Variants in TOGARAM1 observed in about 807,000 individuals in gnomAD.
TOGARAM1 encodes the protein TOG array regulator of axonemal microtubules 1, also known as TOG array regulator of axonemal microtubules protein 1.
TOGARAM1 carries 100 observed loss-of-function variants against 166.6 expected under a neutral mutation model. The observed-to-expected ratio is 0.60, with a 90% CI of 0.51 to 0.71. The LOEUF (loss-of-function observed/expected upper bound fraction) is 0.71, where lower values mean the gene tolerates loss of function less well. Among genes scored for constraint, TOGARAM1 ranks in the 30% least tolerant of loss-of-function variants. TOGARAM1 has a pLI of 0.00. For missense variants in TOGARAM1, 2,029 were observed against 2,102.7 expected, an observed-to-expected ratio of 0.96 and a Z score of 0.69; for synonymous variants, 758 against 763.8, an observed-to-expected ratio of 0.99 and a Z score of 0.13.
intron 15 of TOGARAM1, among the ~76,000 whole-genome samples, chr14:45,052,870 T>C (rs1882442662): frequency 6.6e-6 from 1 of 152,166 alleles, no homozygotes; most frequent in African/African-American, 2.4e-5. Flanking sequence ...AACTTACACA[T>C]GCCTCTTCAT....
chr14:45,008,822 G>A, intron 5 of TOGARAM1, 91 bp from the exon 6 acceptor site: 1 of 903,814 alleles, frequency 1.1e-6, no homozygotes, highest in Non-Finnish European at 1.7e-6. Context: ...TGGTTAGCTA[G>A]GTATAGCTAA....
In TOGARAM1 at chr14:45,025,814, T is replaced by A. The variant is rs147911657; in HGVS notation, c.3270T>A (p.Ser1090Arg). 8 of 1,610,356 alleles carry A rather than the reference T, an allele frequency of 5.0e-6. No homozygotes were observed. In the African/African-American group the frequency reaches 8.0e-5, roughly 16 times the overall value. Residue 1090 changes from serine (S) to arginine (R), a missense_variant, in exon 8 of 20, where the codon AGT becomes AGA. Ser to Arg is a moderately radical substitution (Grantham distance 110). Coordinates refer to ENST00000361462, the MANE Select transcript of TOGARAM1 (RefSeq NM_001308120.2). ...CATCAAATCCACAGCAAATTTCCAG[T>A]TTTGACTTCACAACCACAAAGGCTT... ...GSSSNPQQIS[S>R]FDFTTTKALS...
chr14:44,966,172 T>TG (rs1885527110), intron 1 of TOGARAM1, among the ~76,000 whole-genome samples: 1 of 151,658 alleles, frequency 6.6e-6, no homozygotes, highest in African/African-American at 2.4e-5. Flanking sequence ...GCCCAAATTG[T>TG]AATTTTTAAA....
rs192596591 is a variant in TOGARAM1, at chr14:45,004,253, C to A, written c.2531C>A (p.Ser844Tyr). ...IISPKKSQDN[S>Y]VNFSNSWPLK... Reference sequence around the variant, plus strand: ...TCTCCAAAGAAGTCTCAAGATAATTCTGTTAATTTCTCAAATTCCTGGCCT... The same window carrying A: ...TCTCCAAAGAAGTCTCAAGATAATTATGTTAATTTCTCAAATTCCTGGCCT... Residue 844 changes from serine (S) to tyrosine (Y), a missense_variant, in exon 4 of 20, where the codon TCT (serine) becomes TAT (tyrosine). By Grantham distance (144) the Ser-to-Tyr change is moderately radical (BLOSUM62 -2). Transcript: ENST00000361462. 3.0e-5 allele frequency: 49 copies of A among 1,613,982 alleles called. No homozygotes were observed. In the African/African-American group the frequency reaches 4.7e-4, roughly 15 times the overall value.
At chr14:44,965,869 A>ATTTTTTT (rs747983176) in intron 1 of TOGARAM1, among the ~76,000 whole-genome samples, 11 of 120,480 alleles carry the variant, frequency 9.1e-5, no homozygotes, top group African/African-American at 3.3e-4. Context: ...ACAAATAGTA[A>ATTTTTTT]TTTTTTTTTT....
At chr14:45,045,583 ATGTGTGTGTGTGTGTGTGTGTGTG>A (rs1200414644) in intron 13 of TOGARAM1, among the ~76,000 whole-genome samples, 2 of 37,472 alleles carry the variant, frequency 5.3e-5, no homozygotes, top group African/African-American at 2.6e-4. Context: ...ATATATATAT[ATGTGTGTGTGTGTGTGTGTGTGTG>A]TGTGTGTGTG....
In TOGARAM1 at chr14:45,066,677, A is replaced by C; in HGVS notation, c.4659A>C (p.Ala1553=). The change falls in exon 17 of 20, where the codon GCA becomes GCC. Residue 1553 remains alanine (A), a synonymous_variant. Transcript: ENST00000361462. ...YLKLITGLLN[A]KDFRDRINGI... is the part of the protein sequence containing the mutation. ...AACTCATAACTGGCTTATTAAATGC[A>C]AAAGACTTTCGTGATCGTATTAATG... The C allele has an allele frequency of 1.2e-6, 2 of 1,614,028 alleles. No homozygotes were observed. The highest frequency in any genetic ancestry group is 1.7e-6 in the Non-Finnish European group (2 of 1,179,888).
chr14:45,068,215 T>G (rs1883220719), intron 17 of TOGARAM1, among the ~76,000 whole-genome samples: 1 of 152,134 alleles, frequency 6.6e-6, no homozygotes, highest in African/African-American at 2.4e-5. Flanking sequence ...TTTGAGGCCT[T>G]CTCTTTTTGT....
At chr14:44,983,866 A>C (rs907154578) in intron 1 of TOGARAM1, among the ~76,000 whole-genome samples, 20 of 152,086 alleles carry the variant, frequency 1.3e-4, no homozygotes, top group Middle Eastern at 3.2e-3. Flanking sequence ...AAGCATATCT[A>C]CTCTTAGTGT....
At chr14:45,023,803 C>T (rs920769150) in intron 7 of TOGARAM1, among the ~76,000 whole-genome samples, 18 of 152,028 alleles carry the variant, frequency 1.2e-4, no homozygotes, top group African/African-American at 4.1e-4. Context: ...TGCAGTGGTG[C>T]AATCTCGGCT....
intron 1 of TOGARAM1, among the ~76,000 whole-genome samples, chr14:44,982,476 G>A (rs1322797472): frequency 6.6e-6 from 1 of 152,132 alleles, no homozygotes; most frequent in Non-Finnish European, 1.5e-5. Context: ...AATGTGGTAG[G>A]AATCATAGTA....
In TOGARAM1 at chr14:44,962,229, TCTA is replaced by T. The variant is rs1885173880; in HGVS notation, c.-192_-190del. 1 of 582,238 alleles carries T rather than the reference TCTA, an allele frequency of 1.7e-6. No individual in the cohort carries two copies. Among genetic ancestry groups the T allele is most frequent in the Non-Finnish European group, 2.9e-6 (1 of 348,394 alleles). 36.1% of individuals were successfully genotyped at this position (582,238 alleles called of 1,614,324 possible). ...GTTACGCCCGGTGGCAGCTGTGGGG[TCTA>T]GGGCTCAGACGGGGGCCATTTTGCC... is the stretch of plus-strand genomic sequence containing the variant. On this transcript the variant is annotated 5_prime_UTR_variant, in exon 1 of 20. Coordinates refer to ENST00000361462, the MANE Select transcript of TOGARAM1 (RefSeq NM_001308120.2).
At chr14:44,996,542 C>T (rs1369340734) in intron 2 of TOGARAM1, 1 of 152,182 alleles carries the variant, frequency 6.6e-6, no homozygotes, top group Non-Finnish European at 1.5e-5. Context: ...ACTTTTTACT[C>T]TGAATGAGGA....
At chr14:45,016,059 A>G (rs928821017) in intron 7 of TOGARAM1, among the ~76,000 whole-genome samples, 1 of 151,848 alleles carries the variant, frequency 6.6e-6, no homozygotes, top group African/African-American at 2.4e-5. Context: ...GATTAAAAAA[A>G]ATTTTTTTTT....
intron 1 of TOGARAM1, among the ~76,000 whole-genome samples, chr14:44,983,745 G>A (rs1474523128): frequency 6.6e-6 from 1 of 152,190 alleles, no homozygotes; most frequent in Non-Finnish European, 1.5e-5. Context: ...TTCCTTGGAT[G>A]TTGGATTGTT....
chr14:44,969,441 C>A (rs1358046607), intron 1 of TOGARAM1, among the ~76,000 whole-genome samples: 1 of 152,122 alleles, frequency 6.6e-6, no homozygotes, highest in Non-Finnish European at 1.5e-5. Flanking sequence ...TGCAAGCTAC[C>A]ACGCCTGGCC....
intron 1 of TOGARAM1, among the ~76,000 whole-genome samples, chr14:44,984,108 T>G (rs1886667736): frequency 6.6e-6 from 1 of 152,170 alleles, no homozygotes; most frequent in African/African-American, 2.4e-5. Context: ...AGGACAAAAC[T>G]TGTTATTACC....
chr14:45,066,617 C>G lies in TOGARAM1; in HGVS notation c.4599C>G (p.Val1533=). The G allele has an allele frequency of 6.2e-7, 1 of 1,610,466 alleles. No individual in the cohort carries two copies. Among genetic ancestry groups the G allele is most frequent in the Non-Finnish European group, 8.5e-7 (1 of 1,177,606 alleles). Residue 1533 remains valine (V), a synonymous_variant, in exon 17 of 20, where the codon GTC becomes GTG. Coordinates refer to ENST00000361462, the MANE Select transcript of TOGARAM1 (RefSeq NM_001308120.2). The stretch of plus-strand genomic sequence containing the variant: ...TTCGTGAAGTCACCAGAAAATCAGT[C>G]CCTCGTAATTCCTTAGAAAGTGCTG... ...TEVREVTRKS[V]PRNSLESAEY...
At chr14:44,972,634 G>C (rs1207442363) in intron 1 of TOGARAM1, among the ~76,000 whole-genome samples, 5 of 152,090 alleles carry the variant, frequency 3.3e-5, no homozygotes, top group Non-Finnish European at 4.4e-5. Context: ...CTTTATCCCT[G>C]ATAACTTTTC....
Sources: allele counts gnomAD v4.1 joint callset (sites outside exome capture counted in the v4.1 genomes callset), GRCh38; gene constraint gnomAD v4.1.1; transcripts MANE v1.5; gene names NCBI Gene and HGNC (gene_info 2026-07-23, HGNC 2026-07-21).